PTPRN2: variants seen among roughly 807,000 people sequenced by gnomAD.
The protein encoded by PTPRN2 is protein tyrosine phosphatase receptor type N2.
A neutral mutation model predicts 118.8 loss-of-function variants in PTPRN2; 74 were observed. The observed-to-expected ratio is 0.62, with a 90% confidence interval of 0.52 to 0.76. The LOEUF is 0.76. PTPRN2 is among the 30% of genes least tolerant of loss of function. PTPRN2 has a pLI of 0.00. For missense variants in PTPRN2, 1,481 were observed against 1,394.4 expected, an observed-to-expected ratio of 1.06 and a Z score of -0.99; for synonymous variants, 641 against 608.0, an observed-to-expected ratio of 1.05 and a Z score of -0.80.
At chr7:157,941,871 G>A (rs1800151022) in intron 11 of PTPRN2, among the ~76,000 whole-genome samples, 2 of 152,140 alleles carry the variant, frequency 1.3e-5, no homozygotes, top group African/African-American at 2.4e-5. Context: ...GCCAGGCTGA[G>A]TGCCCATCTC....
chr7:157,907,175 G>A (rs776640150), intron 11 of PTPRN2, among the ~76,000 whole-genome samples: 9 of 152,246 alleles, frequency 5.9e-5, no homozygotes, highest in African/African-American at 1.9e-4. Flanking sequence ...GGGGTACCCC[G>A]TGACCGAGCA....
intron 11 of PTPRN2, among the ~76,000 whole-genome samples, chr7:158,066,267 G>A (rs944091313): frequency 1.3e-5 from 2 of 152,204 alleles, no homozygotes; most frequent in Non-Finnish European, 2.9e-5. Flanking sequence ...CCATGAGGTG[G>A]ATGAGTCCCC....
At chr7:158,453,544 G>C (rs1818236585) in intron 2 of PTPRN2, among the ~76,000 whole-genome samples, 1 of 152,202 alleles carries the variant, frequency 6.6e-6, no homozygotes, top group Non-Finnish European at 1.5e-5. Context: ...GAGATGGTGT[G>C]GAACCATATG....
intron 11 of PTPRN2, among the ~76,000 whole-genome samples, chr7:158,053,759 G>A (rs1809514515): frequency 6.6e-6 from 1 of 150,956 alleles, no homozygotes. Context: ...AGACTCCAGA[G>A]ACGCAGAGAC....
At chr7:158,344,120 G>A (rs1406908622) in intron 2 of PTPRN2, among the ~76,000 whole-genome samples, 2 of 152,006 alleles carry the variant, frequency 1.3e-5, no homozygotes, top group African/African-American at 4.8e-5. Context: ...CCCTGCCGAG[G>A]AGCCAGCACC....
At chr7:158,353,693 C>G (rs1324158979) in intron 2 of PTPRN2, among the ~76,000 whole-genome samples, 1 of 152,206 alleles carries the variant, frequency 6.6e-6, no homozygotes, top group African/African-American at 2.4e-5. Context: ...AACAGACAGA[C>G]AGCAGGAGAA....
chr7:158,534,751 C>A (rs1309030166), intron 1 of PTPRN2, among the ~76,000 whole-genome samples: 1 of 152,216 alleles, frequency 6.6e-6, no homozygotes, highest in East Asian at 1.9e-4. Flanking sequence ...GCTGTGCAGA[C>A]CCTCTGAAGA....
rs1824709632 is a variant in PTPRN2, at chr7:158,525,553, C to T, written c.113-35768G>A. On this transcript the variant is annotated intron_variant, in intron 1 of 22. Coordinates refer to ENST00000389418, the MANE Select transcript of PTPRN2 (RefSeq NM_002847.5). This position sits in a 1 kb window ranked among gnomAD's most constrained non-coding sequence, Gnocchi z 4.1. ...CAGCCTCCCTGGCCCAGAACAGGCG[C>T]TCACTGTATCTCCTCCCTTCCTCCT... 6.6e-6 allele frequency among the ~76,000 whole-genome samples: 1 copy of T among 152,240 alleles called. No individual in the cohort carries two copies. The highest frequency in any genetic ancestry group is 2.4e-5 in the African/African-American group (1 of 41,462).
intron 12 of PTPRN2, among the ~76,000 whole-genome samples, chr7:157,791,384 C>T (rs1463952837): frequency 6.6e-6 from 1 of 152,260 alleles, no homozygotes; most frequent in African/African-American, 2.4e-5. Flanking sequence ...TATTCTCGTG[C>T]CTGGCGTGTT....
intron 19 of PTPRN2, chr7:157,574,333 A>G: frequency 1.9e-6 from 1 of 527,374 alleles, no homozygotes; most frequent in Non-Finnish European, 3.9e-6. Flanking sequence ...CCTGCAGTAC[A>G]GTCACAGTTT....
At chr7:157,855,955 G>C (rs1314729941) in intron 12 of PTPRN2, 1 of 152,216 alleles carries the variant, frequency 6.6e-6, no homozygotes, top group Non-Finnish European at 1.5e-5. Context: ...GGAAGTGCAG[G>C]GTTATCTCAG....
intron 14 of PTPRN2, among the ~76,000 whole-genome samples, chr7:157,633,814 C>G (rs1804121598): frequency 6.6e-6 from 1 of 152,232 alleles, no homozygotes; most frequent in Non-Finnish European, 1.5e-5. Context: ...AGACCAGGAG[C>G]TGTTGGCCTG....
At chr7:158,070,750 C>CCCGTGGTGGTGGAGGTGT (rs1811267646) in intron 11 of PTPRN2, among the ~76,000 whole-genome samples, 2 of 113,034 alleles carry the variant, frequency 1.8e-5, no homozygotes, top group African/African-American at 4.0e-5. Flanking sequence ...GGTGGAGGTG[C>CCCGTGGTGGTGGAGGTGT]CCGTGGTGGT....
intron 3 of PTPRN2, among the ~76,000 whole-genome samples, chr7:158,221,262 C>T (rs552731648): frequency 1.2e-3 from 175 of 151,874 alleles, no homozygotes; most frequent in African/African-American, 4.2e-3. Flanking sequence ...ACCATAAAAA[C>T]CCTAGAAGAA....
At chr7:158,312,784 C>A (rs1801959118) in intron 3 of PTPRN2, among the ~76,000 whole-genome samples, 1 of 150,900 alleles carries the variant, frequency 6.6e-6, no homozygotes, top group African/African-American at 2.4e-5. Flanking sequence ...CACACACGCA[C>A]ACACACCTGC....
intron 14 of PTPRN2, among the ~76,000 whole-genome samples, chr7:157,648,989 G>T (rs1329498890): frequency 1.4e-5 from 2 of 145,634 alleles, no homozygotes; most frequent in Non-Finnish European, 3.0e-5. Flanking sequence ...CATCCACTGT[G>T]CACTGAACTC....
chr7:157,865,557 T>C (rs1560950), intron 12 of PTPRN2: 75,111 of 152,112 alleles, frequency 0.49, 18,594 homozygotes, highest in African/African-American at 0.54. Flanking sequence ...TGTCGGGGGT[T>C]GGGGGAAGGA....
chr7:158,518,074 C>T (rs1165361018), intron 1 of PTPRN2, among the ~76,000 whole-genome samples: 1 of 152,196 alleles, frequency 6.6e-6, no homozygotes, highest in South Asian at 2.1e-4. Flanking sequence ...TAAGAACTTG[C>T]TCCTCCCTTA....
rs757182471 is a variant in PTPRN2 at position 158,563,998 on chromosome 7, G to T, written c.112+23560C>A. Among the ~76,000 whole-genome samples the T allele has an allele frequency of 6.6e-6, 1 of 152,166 alleles. No individual in the cohort carries two copies. Among genetic ancestry groups the T allele is most frequent in the Non-Finnish European group, 1.5e-5 (1 of 68,038 alleles). On this transcript the variant is annotated intron_variant, in intron 1 of 22. Transcript: ENST00000389418. The surrounding 1 kb of genome is among the most constrained non-coding windows in gnomAD (Gnocchi z 5.1). ...ACAGCTCCTGCATCAGGGGGCTGCT[G>T]GGATGATTAAACAAAATTATACAAA...
Sources: gnomAD v4.1 joint callset for allele counts (sites outside exome capture counted in the v4.1 genomes callset) on GRCh38, gnomAD v4.1.1 for gene constraint, Gnocchi (gnomAD v3.1) non-coding constraint, MANE v1.5 for transcripts, NCBI Gene and HGNC (gene_info 2026-07-23, HGNC 2026-07-21) for gene names.